Variants in BCAS3 observed in about 807,000 individuals in gnomAD.
BCAS3 encodes the protein BCAS3 microtubule associated cell migration factor, also known as BCAS4/BCAS3 fusion.
A neutral mutation model predicts 116.1 loss-of-function variants in BCAS3; 53 were observed. The ratio of observed to expected loss-of-function variants is 0.46; its 90% CI spans 0.37 to 0.57. BCAS3 has a LOEUF of 0.57. BCAS3 is among the 20% of genes least tolerant of loss of function. The probability of loss-of-function intolerance (pLI) is 0.00; values close to 1 mark genes in which losing one functional copy is unlikely to be tolerated. For synonymous variants in BCAS3, 391 were observed against 408.2 expected (o/e 0.96, Z 0.51); for missense variants, 917 against 1,165.4 (o/e 0.79, Z 3.10).
chr17:60,720,185 C>T (rs1378534994), intron 5 of BCAS3: 2 of 152,210 alleles, frequency 1.3e-5, no homozygotes, highest in African/African-American at 4.8e-5. Flanking sequence ...GTCACCCAGG[C>T]TGGAGTGCAG....
intron 22 of BCAS3, among the ~76,000 whole-genome samples, chr17:61,329,343 A>ATTATTATTTTTTTTTTTTTTTTTT (rs1555831750): frequency 1.5e-5 from 2 of 131,280 alleles, no homozygotes; most frequent in African/African-American, 5.9e-5. Context: ...TATTATTATT[A>ATTATTATTTTTTTTTTTTTTTTTT]TTTTTTTTTT....
intron 7 of BCAS3, among the ~76,000 whole-genome samples, chr17:60,864,802 A>G (rs1292426764): frequency 1.3e-5 from 2 of 151,922 alleles, no homozygotes; most frequent in Non-Finnish European, 2.9e-5. Context: ...GAGATATGCA[A>G]CTCTTTATTT....
chr17:60,872,753 T>TATACACAC (rs1419352416), intron 8 of BCAS3, among the ~76,000 whole-genome samples: 1 of 151,136 alleles, frequency 6.6e-6, no homozygotes, highest in Non-Finnish European at 1.5e-5. Context: ...TCTGTATGTA[T>TATACACAC]ATACACACAT....
rs185338183 is a variant in BCAS3, at chr17:61,122,236, T to C, written c.2425+37672T>C. 3.0e-3 allele frequency among the ~76,000 whole-genome samples: 458 copies of C among 152,286 alleles called. 4 individuals carry two copies. Among genetic ancestry groups the C allele is most frequent in the African/African-American group, 0.011 (438 of 41,562 alleles). On this transcript the variant is annotated intron_variant, in intron 22 of 23. Transcript: ENST00000407086. This position sits in a 1 kb window ranked among gnomAD's most constrained non-coding sequence, Gnocchi z 4.6. ...AATGGTGAAATCTGATTGCTAGAAA[T>C]TGTGATGTGAATAAGTAAAAATTTA...
At position 61,391,790 on chromosome 17, in the gene BCAS3, C is replaced by T; in HGVS notation, c.2594-187C>T. ...GTCTGCCAGCCAGGGGGCTTTCCCT[C>T]CCCTGGCTGAGCCTTCCTGTGACCT... On this transcript the variant is annotated intron_variant, in intron 23 of 23. Transcript: ENST00000407086. The surrounding 1 kb of genome is among the most constrained non-coding windows in gnomAD (Gnocchi z 7.7). 1 of 644,346 alleles carries T rather than the reference C, an allele frequency of 1.6e-6. No individual in the cohort carries two copies. The highest frequency in any genetic ancestry group is 1.9e-5 in the South Asian group (1 of 52,740). 39.9% of individuals were successfully genotyped at this position (644,346 alleles called of 1,614,324 possible).
chr17:61,067,722 C>T (rs373918283), intron 19 of BCAS3, among the ~76,000 whole-genome samples: 1 of 80,548 alleles, frequency 1.2e-5, no homozygotes, highest in Admixed American at 1.3e-4. Flanking sequence ...CTCAAACAAA[C>T]AAACAAAAAA....
chr17:60,855,229 T>C (rs1456729051), intron 7 of BCAS3, among the ~76,000 whole-genome samples: 2 of 151,482 alleles, frequency 1.3e-5, no homozygotes, highest in African/African-American at 4.8e-5. Flanking sequence ...ATTTCAGGTG[T>C]GAGCCACCGT....
At chr17:61,318,971 G>C (rs1285107789) in intron 22 of BCAS3, among the ~76,000 whole-genome samples, 1 of 152,188 alleles carries the variant, frequency 6.6e-6, no homozygotes, top group East Asian at 1.9e-4. Flanking sequence ...GGTTTGACCT[G>C]GTTCTGCCAG....
At chr17:60,972,421 G>A (rs2062018804) in intron 14 of BCAS3, among the ~76,000 whole-genome samples, 1 of 143,144 alleles carries the variant, frequency 7.0e-6, no homozygotes, top group Non-Finnish European at 1.5e-5. Flanking sequence ...CAGCTAGGAT[G>A]TTGGGCTTTT....
rs141133205 is a variant in BCAS3 at position 60,921,729 on chromosome 17, A to G, written c.994-2678A>G. Among the ~76,000 whole-genome samples, 486 of 151,866 alleles carry G rather than the reference A, an allele frequency of 3.2e-3. 6 individuals carry two copies. The highest frequency in any genetic ancestry group is 0.011 in the African/African-American group (452 of 41,508). On this transcript the variant is annotated intron_variant, in intron 12 of 23. Coordinates refer to ENST00000407086, the MANE Select transcript of BCAS3 (RefSeq NM_017679.5). ...GGAGGAAGGAGGAGTATGGGTTCCTATTGGGTACTATGCTCACTACCTGGG... is the reference window on the plus strand; with the variant it reads ...GGAGGAAGGAGGAGTATGGGTTCCTGTTGGGTACTATGCTCACTACCTGGG...
At chr17:61,046,059 ATAT>A (rs2068258255) in intron 19 of BCAS3, among the ~76,000 whole-genome samples, 1 of 21,702 alleles carries the variant, frequency 4.6e-5, no homozygotes, top group Non-Finnish European at 6.6e-5. Context: ...TATATATATT[ATAT>A]ATATATAATA....
At chr17:60,825,284 A>T (rs562828815) in intron 7 of BCAS3, among the ~76,000 whole-genome samples, 2 of 151,930 alleles carry the variant, frequency 1.3e-5, no homozygotes, top group African/African-American at 4.8e-5. Flanking sequence ...CCTTATGCAC[A>T]TTATTTCATT....
rs1302692631 is a variant in BCAS3 at position 61,326,444 on chromosome 17, A to C, written c.2426-41883A>C. On this transcript the variant is annotated intron_variant, in intron 22 of 23. Transcript: ENST00000407086. This position sits in a 1 kb window ranked among gnomAD's most constrained non-coding sequence, Gnocchi z 5.3. ...TAAATGAGAAGCATGTTTTCAGCAG[A>C]GGGTGAGTTTTGAAAAGATCACTCT... Among the ~76,000 whole-genome samples, 2 of 152,232 alleles carry C rather than the reference A, an allele frequency of 1.3e-5. No individual in the cohort carries two copies. The highest frequency in any genetic ancestry group is 2.9e-5 in the Non-Finnish European group (2 of 68,042).
intron 22 of BCAS3, among the ~76,000 whole-genome samples, chr17:61,252,396 G>A (rs1419875822): frequency 6.6e-6 from 1 of 152,162 alleles, no homozygotes; most frequent in African/African-American, 2.4e-5. Context: ...AGCCCCCCCA[G>A]TTCCAGCTTC....
chr17:61,191,780 A>AAAAG (rs1555772482), intron 22 of BCAS3, among the ~76,000 whole-genome samples: 12 of 145,712 alleles, frequency 8.2e-5, no homozygotes, highest in South Asian at 4.3e-4. Flanking sequence ...GTCTCAAAAA[A>AAAAG]AAAAGAAAAG....
At chr17:60,919,595 T>G (rs1194743210) in intron 12 of BCAS3, among the ~76,000 whole-genome samples, 1 of 152,166 alleles carries the variant, frequency 6.6e-6, no homozygotes, top group East Asian at 1.9e-4. Context: ...AGTGCTGGGA[T>G]TATAGGCGTG....
chr17:60,759,790 G>A (rs2043343522), intron 6 of BCAS3, among the ~76,000 whole-genome samples: 1 of 152,064 alleles, frequency 6.6e-6, no homozygotes, highest in Non-Finnish European at 1.5e-5. Context: ...ACAGCCTCCT[G>A]AGTAGCTGGG....
chr17:61,014,368 G>T (rs1358792179), intron 15 of BCAS3, among the ~76,000 whole-genome samples: 1 of 152,020 alleles, frequency 6.6e-6, no homozygotes, highest in Non-Finnish European at 1.5e-5. Context: ...TTGGTGAAAG[G>T]CTACACACAT....
intron 7 of BCAS3, among the ~76,000 whole-genome samples, chr17:60,820,986 G>A (rs760171368): frequency 9.2e-5 from 14 of 151,908 alleles, no homozygotes; most frequent in Non-Finnish European, 1.8e-4. Context: ...TGCTCTTGTC[G>A]CCCAGGCTGG....
Sources: gnomAD v4.1 joint callset for allele counts (sites outside exome capture counted in the v4.1 genomes callset) on GRCh38, gnomAD v4.1.1 for gene constraint, Gnocchi (gnomAD v3.1) non-coding constraint, MANE v1.5 for transcripts, NCBI Gene and HGNC (gene_info 2026-07-23, HGNC 2026-07-21) for gene names.